GALNTL6: variants seen among roughly 807,000 people sequenced by gnomAD.
GALNTL6 encodes polypeptide N-acetylgalactosaminyltransferase-like 6.
GALNTL6 carries 46 observed loss-of-function variants against 73.7 expected under a neutral mutation model. That is an observed-to-expected ratio of 0.62 (90% CI 0.49 to 0.80). GALNTL6 has a LOEUF of 0.80. Among genes scored for constraint, GALNTL6 ranks in the 30% least tolerant of loss-of-function variants. The pLI, the probability that GALNTL6 is intolerant of heterozygous loss-of-function variation, is 0.00. For synonymous variants in GALNTL6, 259 were observed against 263.7 expected (o/e 0.98, Z 0.17); for missense variants, 604 against 755.0 (o/e 0.80, Z 2.34).
chr4:172,109,901 T>C (rs1005353689), intron 2 of GALNTL6, among the ~76,000 whole-genome samples: 2 of 152,118 alleles, frequency 1.3e-5, no homozygotes, highest in Admixed American at 6.6e-5. Flanking sequence ...AAAAGGGAAA[T>C]AAAATGCTTA....
chr4:171,940,033 T>G (rs1004774132), intron 2 of GALNTL6, among the ~76,000 whole-genome samples: 5 of 152,158 alleles, frequency 3.3e-5, no homozygotes, highest in African/African-American at 9.7e-5. Flanking sequence ...TGTACGGTCT[T>G]CGACAAATCA....
chr4:171,836,574 A>G lies in GALNTL6; in HGVS notation c.138+21856A>G, dbSNP rs114469546. On this transcript the variant is annotated intron_variant, in intron 2 of 12. Transcript: ENST00000506823. ...AATGCTCCTCCTTTCTAGTTCTCCA[A>G]CATCATCGTAAATATGATATGATTG... is the stretch of plus-strand genomic sequence containing the variant. Among the ~76,000 whole-genome samples, 489 of 152,228 alleles carry G rather than the reference A, an allele frequency of 3.2e-3. 3 individuals carry two copies. The highest frequency in any genetic ancestry group is 0.011 in the African/African-American group (466 of 41,558).
chr4:172,154,094 C>G (rs1371619998), intron 2 of GALNTL6, among the ~76,000 whole-genome samples: 2 of 147,892 alleles, frequency 1.4e-5, no homozygotes, highest in African/African-American at 5.0e-5. Context: ...TAGGAAATTA[C>G]TACTCACTGC....
intron 5 of GALNTL6, among the ~76,000 whole-genome samples, chr4:172,559,488 T>C (rs1005101041): frequency 1.4e-4 from 21 of 152,324 alleles, no homozygotes; most frequent in Admixed American, 6.5e-4. Flanking sequence ...CCAGGCATTT[T>C]TCAGACATTA....
intron 7 of GALNTL6, among the ~76,000 whole-genome samples, chr4:172,851,682 C>T (rs1475159663): frequency 6.6e-6 from 1 of 152,070 alleles, no homozygotes; most frequent in Non-Finnish European, 1.5e-5. Context: ...TGGGCAATGA[C>T]TTCATTATAG....
chr4:171,973,418 C>T (rs972661783), intron 2 of GALNTL6, among the ~76,000 whole-genome samples: 7 of 152,110 alleles, frequency 4.6e-5, no homozygotes, highest in Admixed American at 3.9e-4. Context: ...GTGATGCCTC[C>T]TTGCTTCTTC....
intron 2 of GALNTL6, among the ~76,000 whole-genome samples, chr4:172,098,771 T>G (rs894297017): frequency 6.6e-6 from 1 of 152,186 alleles, no homozygotes; most frequent in Non-Finnish European, 1.5e-5. Flanking sequence ...TGGGGAGTAT[T>G]GGCAATCTCT....
In GALNTL6 at chr4:172,348,597, C is replaced by G. The variant is rs753964316; in HGVS notation, c.461C>G (p.Thr154Ser). 9.3e-6 allele frequency: 15 copies of G among 1,612,670 alleles called. No individual in the cohort carries two copies. Among genetic ancestry groups the G allele is most frequent in the Admixed American group, 1.7e-5 (1 of 59,948 alleles). The stretch of plus-strand genomic sequence containing the variant: ...ATCCCATTTCATAATGAAGGTTGGA[C>G]TTCACTCCTGCGGACCATACACAGT... ...IIIPFHNEGW[T>S]SLLRTIHSII... The change falls in exon 5 of 13, where the codon ACT (threonine) becomes AGT (serine). Residue 154 changes from threonine (T) to serine (S), a missense_variant. Transcript: ENST00000506823.
At chr4:171,833,475 A>T (rs865807210) in intron 2 of GALNTL6, among the ~76,000 whole-genome samples, 1 of 151,756 alleles carries the variant, frequency 6.6e-6, no homozygotes, top group African/African-American at 2.4e-5. Flanking sequence ...ATACCTGGCT[A>T]AAATCTTAAT....
At chr4:172,774,257 C>T (rs1026281623) in intron 5 of GALNTL6, among the ~76,000 whole-genome samples, 1 of 152,144 alleles carries the variant, frequency 6.6e-6, no homozygotes, top group Admixed American at 6.5e-5. Flanking sequence ...TTTGAGAAGA[C>T]GTTCTGTGTC....
At chr4:171,826,375 T>A (rs1013623197) in intron 2 of GALNTL6, among the ~76,000 whole-genome samples, 30 of 152,192 alleles carry the variant, frequency 2.0e-4, no homozygotes, top group Non-Finnish European at 3.5e-4. Context: ...AAGATAAATA[T>A]GGAACCTCTA....
intron 5 of GALNTL6, among the ~76,000 whole-genome samples, chr4:172,696,596 C>A (rs1733709916): frequency 6.6e-6 from 1 of 152,094 alleles, no homozygotes; most frequent in Non-Finnish European, 1.5e-5. Flanking sequence ...GTGAATACAT[C>A]TTACAAGATC....
intron 2 of GALNTL6, among the ~76,000 whole-genome samples, chr4:171,986,219 A>G (rs1029641548): frequency 1.3e-5 from 2 of 151,450 alleles, no homozygotes; most frequent in Non-Finnish European, 2.9e-5. Flanking sequence ...GAGAAAGGAG[A>G]TAAGGGTGGG....
At chr4:172,222,772 C>G (rs941871623) in intron 2 of GALNTL6, among the ~76,000 whole-genome samples, 1 of 151,808 alleles carries the variant, frequency 6.6e-6, no homozygotes, top group Non-Finnish European at 1.5e-5. Context: ...GATATAAATA[C>G]AAAGGATAAA....
chr4:172,921,793 CAAAAAA>C lies in GALNTL6; in HGVS notation c.1042-9356_1042-9351del, dbSNP rs370693087. Among the ~76,000 whole-genome samples, 219 of 58,612 alleles carry C rather than the reference CAAAAAA, an allele frequency of 3.7e-3. 2 individuals are homozygous for C. Among genetic ancestry groups the C allele is most frequent in the Middle Eastern group, 0.02 (2 of 102 alleles). The allele number at this position is 58,612 out of a possible 152,430, so 38.5% of individuals were successfully genotyped here. ...AGGGTGACAGAGCAAGACCTTGTCTCAAAAAAAAAAAAAAAAAGCAAAGAAAAAATG... is the reference window on the plus strand; with the variant it reads ...AGGGTGACAGAGCAAGACCTTGTCTCAAAAAAAAAAAGCAAAGAAAAAATG... On this transcript the variant is annotated intron_variant, in intron 8 of 12. Coordinates refer to ENST00000506823, the MANE Select transcript of GALNTL6 (RefSeq NM_001034845.3).
At chr4:172,905,863 C>A (rs931889889) in intron 8 of GALNTL6, among the ~76,000 whole-genome samples, 21 of 109,052 alleles carry the variant, frequency 1.9e-4, no homozygotes, top group Non-Finnish European at 1.8e-4. Flanking sequence ...GAACAAAAAA[C>A]CTAAATTTAT....
chr4:172,177,774 CATATATACACATGTGTAT>C (rs978453753), intron 2 of GALNTL6, among the ~76,000 whole-genome samples: 11 of 99,268 alleles, frequency 1.1e-4, no homozygotes, highest in South Asian at 2.9e-4. Context: ...TATATGTACA[CATATATACACATGTGTAT>C]ATATATACAC....
chr4:172,635,324 T>C lies in GALNTL6; in HGVS notation c.554-174037T>C, dbSNP rs145215525. Among the ~76,000 whole-genome samples, 1,344 of 152,248 alleles carry C rather than the reference T, an allele frequency of 8.8e-3. 11 individuals carry two copies. Among genetic ancestry groups the C allele is most frequent in the South Asian group, 0.017 (80 of 4,812 alleles). Reference sequence around the variant, plus strand: ...TATTTCAAATTTAATTCAAATAAGATGTATTTTGAACTGTCTCAGGTTAAA... The same window carrying C: ...TATTTCAAATTTAATTCAAATAAGACGTATTTTGAACTGTCTCAGGTTAAA... On this transcript the variant is annotated intron_variant, in intron 5 of 12. Transcript: ENST00000506823.
chr4:172,338,501 G>A (rs1164314802), intron 4 of GALNTL6, among the ~76,000 whole-genome samples: 2 of 152,016 alleles, frequency 1.3e-5, no homozygotes, highest in Non-Finnish European at 2.9e-5. Flanking sequence ...GGGTATGACT[G>A]TAGAGAATGT....
Sources: allele counts gnomAD v4.1 joint callset (sites outside exome capture counted in the v4.1 genomes callset), GRCh38; gene constraint gnomAD v4.1.1; transcripts MANE v1.5; gene names NCBI Gene and HGNC (gene_info 2026-07-23, HGNC 2026-07-21).